BACE2: variants seen among roughly 807,000 people sequenced by gnomAD.
The protein encoded by BACE2 is beta-secretase 2, also known as 56 kDa aspartic-like protease.
In BACE2, 17 loss-of-function variants were observed where a neutral mutation model predicts 46.2. The observed-to-expected ratio is 0.37, with a 90% CI of 0.25 to 0.55. The LOEUF (loss-of-function observed/expected upper bound fraction) is 0.55, where lower values mean the gene tolerates loss of function less well. Among genes scored for constraint, BACE2 ranks in the 20% least tolerant of loss-of-function variants. BACE2 has a pLI of 0.82. For missense variants in BACE2, 595 were observed against 698.1 expected, an observed-to-expected ratio of 0.85 and a Z score of 1.66; for synonymous variants, 277 against 295.9, an observed-to-expected ratio of 0.94 and a Z score of 0.66.
intron 1 of BACE2, among the ~76,000 whole-genome samples, chr21:41,200,547 G>T (rs548517602): frequency 2.0e-5 from 3 of 152,242 alleles, no homozygotes; most frequent in Admixed American, 6.5e-5. Context: ...TGCTAGCCCG[G>T]CCCCCTGTGA....
rs1427138771 is a variant in BACE2 at position 41,193,115 on chromosome 21, T to G, written c.312+24540T>G. On this transcript the variant is annotated intron_variant, in intron 1 of 8. Transcript: ENST00000330333. The surrounding 1 kb of genome is among the most constrained non-coding windows in gnomAD (Gnocchi z 4.2). ...ATCAAACTAATGGACCAGTGTGATATCTCGTGGAAACGAAAAGCGATCAAG... is the reference window on the plus strand; with the variant it reads ...ATCAAACTAATGGACCAGTGTGATAGCTCGTGGAAACGAAAAGCGATCAAG... Among the ~76,000 whole-genome samples, 3 of 152,208 alleles carry G rather than the reference T, an allele frequency of 2.0e-5. No individual in the cohort carries two copies. Among genetic ancestry groups the G allele is most frequent in the African/African-American group, 7.2e-5 (3 of 41,454 alleles).
In BACE2 at chr21:41,224,973, G is replaced by A. The variant is rs555521789; in HGVS notation, c.313-1293G>A. Among the ~76,000 whole-genome samples the A allele has an allele frequency of 3.9e-5, 6 of 152,306 alleles. No individual in the cohort carries two copies. In the East Asian group the frequency reaches 7.7e-4, roughly 20 times the overall value. On this transcript the variant is annotated intron_variant, in intron 1 of 8. Coordinates refer to ENST00000330333, the MANE Select transcript of BACE2 (RefSeq NM_012105.5). ...TAGTCGGCTGGGTGCGGTGGCTCAC[G>A]CCTGTAATCCCAGCACCTTGGGAGG...
chr21:41,216,228 C>T (rs975439316), intron 1 of BACE2, among the ~76,000 whole-genome samples: 7 of 152,164 alleles, frequency 4.6e-5, no homozygotes, highest in African/African-American at 9.7e-5. Context: ...GTGGCTCCTG[C>T]GGGCCGCTCA....
At chr21:41,247,096 C>G (rs1337479128) in intron 6 of BACE2, among the ~76,000 whole-genome samples, 5 of 152,132 alleles carry the variant, frequency 3.3e-5, no homozygotes, top group Non-Finnish European at 7.4e-5. Context: ...GCTGATTGTC[C>G]CGCTACTCTG....
At chr21:41,256,062 T>C (rs1342476537) in intron 7 of BACE2, among the ~76,000 whole-genome samples, 1 of 150,318 alleles carries the variant, frequency 6.7e-6, no homozygotes, top group Admixed American at 6.7e-5. Flanking sequence ...CAGGCAACCT[T>C]TTTTTTTTGT....
chr21:41,194,876 GGA>G (rs1985685056), intron 1 of BACE2, among the ~76,000 whole-genome samples: 1 of 152,222 alleles, frequency 6.6e-6, no homozygotes, highest in African/African-American at 2.4e-5. Context: ...AAGCATGGCA[GGA>G]CACATCTGAA....
chr21:41,272,028 G>A (rs536551028), intron 8 of BACE2, among the ~76,000 whole-genome samples: 6 of 151,660 alleles, frequency 4.0e-5, no homozygotes, highest in Admixed American at 3.9e-4. Context: ...CTCAGCTTGT[G>A]TATGACTGAA....
At position 41,168,301 on chromosome 21, in the gene BACE2, T is replaced by A; in HGVS notation, c.38T>A (p.Leu13Gln). Residue 13 changes from leucine to glutamine, a missense_variant, in exon 1 of 9, where the codon CTG becomes CAG. Around this residue, in one of 3 missense-constraint regions of BACE2, gnomAD observed 248 missense variants for 261.4 expected, o/e 0.95. Transcript: ENST00000330333. ...ALARALLLPL[L>Q]AQWLLRAAPE... Reference sequence around the variant, plus strand: ...GCCCGGGCGCTGCTGCTGCCTCTGCTGGCCCAGTGGCTCCTGCGCGCCGCC... The same window carrying A: ...GCCCGGGCGCTGCTGCTGCCTCTGCAGGCCCAGTGGCTCCTGCGCGCCGCC... The A allele has an allele frequency of 1.5e-6, 2 of 1,302,724 alleles. No homozygotes were observed. Among genetic ancestry groups the A allele is most frequent in the Non-Finnish European group, 1.9e-6 (2 of 1,026,910 alleles). 80.7% of individuals were successfully genotyped at this position (1,302,724 alleles called of 1,614,324 possible).
At chr21:41,234,561 T>C (rs1393201108) in intron 2 of BACE2, among the ~76,000 whole-genome samples, 1 of 152,242 alleles carries the variant, frequency 6.6e-6, no homozygotes, top group Non-Finnish European at 1.5e-5. Flanking sequence ...TATTTGTTTC[T>C]TTATGGAAAG....
intron 1 of BACE2, among the ~76,000 whole-genome samples, chr21:41,198,488 A>G (rs1407441718): frequency 6.6e-6 from 1 of 152,216 alleles, no homozygotes; most frequent in South Asian, 2.1e-4. Context: ...GGAGCGATGC[A>G]TTCACCTGTC....
At chr21:41,197,005 C>G (rs1398997487) in intron 1 of BACE2, among the ~76,000 whole-genome samples, 2 of 152,148 alleles carry the variant, frequency 1.3e-5, no homozygotes, top group Non-Finnish European at 2.9e-5. Flanking sequence ...CTCTGTCACT[C>G]AGGCTGAGTG....
intron 8 of BACE2, among the ~76,000 whole-genome samples, chr21:41,258,203 G>A (rs370384295): frequency 2.0e-5 from 3 of 152,290 alleles, no homozygotes; most frequent in South Asian, 4.1e-4. Flanking sequence ...CCAAAGTTGT[G>A]CTGGTGATAT....
At chr21:41,248,838 G>A (rs762236919) in intron 6 of BACE2, among the ~76,000 whole-genome samples, 5 of 152,108 alleles carry the variant, frequency 3.3e-5, no homozygotes, top group African/African-American at 7.2e-5. Context: ...TTTCAGTTGT[G>A]GTCTTGGCAG....
intron 6 of BACE2, among the ~76,000 whole-genome samples, chr21:41,248,866 C>A (rs546063616): frequency 1.1e-3 from 174 of 152,332 alleles, no homozygotes; most frequent in African/African-American, 3.9e-3. Flanking sequence ...TCCCATTTTC[C>A]TGTCTTCTGT....
Position 41,168,446 on chromosome 21 carries a change from G to A in BACE2, c.183G>A (p.Ala61=). 4 of 1,397,090 alleles carry A rather than the reference G, an allele frequency of 2.9e-6. No homozygotes were observed. Among genetic ancestry groups the A allele is most frequent in the Non-Finnish European group, 2.8e-6 (3 of 1,073,342 alleles). The allele number at this position is 1,397,090 out of a possible 1,614,324, so 86.5% of individuals were successfully genotyped here. A position where few individuals can be genotyped will look rare whatever the true frequency, so the allele number is the denominator to read the frequency against. The change falls in exon 1 of 9, where the codon GCG becomes GCA. Residue 61 remains alanine (A), a synonymous_variant. Transcript: ENST00000330333. ...TPAERHADGL[A]LALEPALASP... ...CCGAGCGCCACGCCGACGGCTTGGC[G>A]CTCGCCCTGGAGCCTGCCCTGGCGT...
At chr21:41,174,500 G>A (rs2123485343) in intron 1 of BACE2, among the ~76,000 whole-genome samples, 1 of 152,180 alleles carries the variant, frequency 6.6e-6, no homozygotes, top group South Asian at 2.1e-4. Flanking sequence ...TGGAGAGGGA[G>A]GAATTTAAAG....
In BACE2 at chr21:41,279,836, G is replaced by A. The variant is rs1362873312; in HGVS notation, c.*4212G>A. 6.6e-6 allele frequency: 1 copy of A among 152,336 alleles called. No homozygotes were observed. Among genetic ancestry groups the A allele is most frequent in the East Asian group, 1.9e-4 (1 of 5,190 alleles). 9.4% of individuals were successfully genotyped at this position (152,336 alleles called of 1,614,324 possible). ...GTTCATTCAACGGATGGAGAGTACA[G>A]GATGGCTGGGACCTGGGAAGTTCCA... On this transcript the variant is annotated 3_prime_UTR_variant, in exon 9 of 9. Coordinates refer to ENST00000330333, the MANE Select transcript of BACE2 (RefSeq NM_012105.5).
At chr21:41,179,803 C>A in intron 1 of BACE2, 1 of 521,474 alleles carries the variant, frequency 1.9e-6, no homozygotes, top group East Asian at 6.9e-5. Flanking sequence ...TTTTATTCAA[C>A]AGTGTCCTGG....
At chr21:41,252,841 G>A (rs1439272312) in intron 7 of BACE2, among the ~76,000 whole-genome samples, 1 of 152,192 alleles carries the variant, frequency 6.6e-6, no homozygotes, top group Non-Finnish European at 1.5e-5. Context: ...TTTACGTTGT[G>A]GGGATGTGCT....
Sources: gnomAD v4.1 joint callset for allele counts (sites outside exome capture counted in the v4.1 genomes callset) on GRCh38, gnomAD v4.1.1 for gene constraint, gnomAD v4.1.1 regional missense constraint, Gnocchi (gnomAD v3.1) non-coding constraint, MANE v1.5 for transcripts, NCBI Gene and HGNC (gene_info 2026-07-23, HGNC 2026-07-21) for gene names.